The following B3GAT2 variants were observed in gnomAD, a reference collection of about 807,000 sequenced individuals.
B3GAT2 encodes the protein beta-1,3-glucuronyltransferase 2, also known as galactosylgalactosylxylosylprotein 3-beta-glucuronosyltransferase 2.
Under a neutral mutation model 27.8 loss-of-function variants are expected in B3GAT2, and 26 were observed. The observed-to-expected ratio is 0.93, with a 90% CI of 0.68 to 1.30. The LOEUF is 1.30. B3GAT2 is among the 50% of genes most tolerant of loss of function. B3GAT2 has a pLI of 0.00. For synonymous variants in B3GAT2, 218 were observed against 195.1 expected, an observed-to-expected ratio of 1.12 and a Z score of -0.98; for missense variants, 458 against 459.0, an observed-to-expected ratio of 1.00 and a Z score of 0.02.
intron 1 of B3GAT2, among the ~76,000 whole-genome samples, chr6:70,909,208 T>G (rs1772649140): frequency 6.6e-6 from 1 of 152,074 alleles, no homozygotes; most frequent in Non-Finnish European, 1.5e-5. Flanking sequence ...ACAGCAGTGT[T>G]TATGTAAATA....
chr6:70,933,223 T>C (rs1773088176), intron 1 of B3GAT2, among the ~76,000 whole-genome samples: 1 of 152,166 alleles, frequency 6.6e-6, no homozygotes, highest in Non-Finnish European at 1.5e-5. Flanking sequence ...AAACAGAAAC[T>C]GCAAGCACTG....
chr6:70,869,151 C>T (rs555438762), intron 2 of B3GAT2, among the ~76,000 whole-genome samples: 1 of 152,020 alleles, frequency 6.6e-6, no homozygotes, highest in African/African-American at 2.4e-5. Context: ...TATGGCTATC[C>T]TTATGTCAGT....
rs1582407561 is a variant in B3GAT2, at chr6:70,956,705, C to T, written c.-276G>A. The T allele has an allele frequency of 7.4e-7, 1 of 1,353,470 alleles. No homozygotes were observed. Among genetic ancestry groups the T allele is most frequent in the East Asian group, 3.2e-5 (1 of 31,104 alleles). The allele number at this position is 1,353,470 out of a possible 1,614,324, so 83.8% of individuals were successfully genotyped here. ...GAGCTGGCGGGAAGCGGGACTCGGT[C>T]CAGCCGCGCGCCGCCGGTCCCGGAG... On this transcript the variant is annotated 5_prime_UTR_variant, in exon 1 of 4. Transcript: ENST00000230053.
chr6:70,946,457 A>G (rs1391735539), intron 1 of B3GAT2, among the ~76,000 whole-genome samples: 3 of 152,002 alleles, frequency 2.0e-5, no homozygotes, highest in African/African-American at 7.2e-5. Context: ...CAGACTTTAA[A>G]CCAACAAAGA....
At chr6:70,925,562 C>T (rs1030068997) in intron 1 of B3GAT2, among the ~76,000 whole-genome samples, 18 of 152,306 alleles carry the variant, frequency 1.2e-4, no homozygotes, top group East Asian at 7.7e-4. Context: ...CACAGCAGTC[C>T]GAGATCAAAC....
intron 2 of B3GAT2, among the ~76,000 whole-genome samples, chr6:70,872,175 T>C (rs1771948373): frequency 6.6e-6 from 1 of 151,970 alleles, no homozygotes; most frequent in Non-Finnish European, 1.5e-5. Flanking sequence ...TCCATTCTTG[T>C]TGGGTGGAGT....
Position 70,879,991 on chromosome 6 carries a change from G to A in B3GAT2, c.736+14137C>T, listed in dbSNP as rs529888382. Among the ~76,000 whole-genome samples the A allele has an allele frequency of 6.2e-4, 94 of 151,902 alleles. 1 individual carries two copies. Among genetic ancestry groups the A allele is most frequent in the African/African-American group, 2.3e-3 (94 of 41,396 alleles). ...GAAATGTTTTAACCTGGAGCCTAAC[G>A]GGTCAGGGAGCATATTATTGGGGAT... On this transcript the variant is annotated intron_variant, in intron 2 of 3. Transcript: ENST00000230053.
chr6:70,926,086 A>C (rs954806791), intron 1 of B3GAT2, among the ~76,000 whole-genome samples: 5 of 152,220 alleles, frequency 3.3e-5, no homozygotes, highest in African/African-American at 1.2e-4. Flanking sequence ...AGGGTCCTGA[A>C]TGTTAGAAGG....
intron 1 of B3GAT2, among the ~76,000 whole-genome samples, chr6:70,945,343 T>C (rs543076117): frequency 6.6e-6 from 1 of 152,192 alleles, no homozygotes; most frequent in East Asian, 1.9e-4. Context: ...TAGACGAATG[T>C]ATAACTAGAA....
chr6:70,928,204 T>C (rs975965165), intron 1 of B3GAT2, among the ~76,000 whole-genome samples: 7 of 152,068 alleles, frequency 4.6e-5, no homozygotes, highest in Non-Finnish European at 1.0e-4. Context: ...GGGAAATTTA[T>C]AGCACTAAAT....
intron 1 of B3GAT2, among the ~76,000 whole-genome samples, chr6:70,920,711 T>C (rs556192156): frequency 6.6e-6 from 1 of 152,354 alleles, no homozygotes; most frequent in Non-Finnish European, 1.5e-5. Flanking sequence ...CTTGATAGCG[T>C]AATTGCTTTA....
At chr6:70,901,718 TTCATTAA>T (rs2150035021) in intron 1 of B3GAT2, among the ~76,000 whole-genome samples, 1 of 152,336 alleles carries the variant, frequency 6.6e-6, no homozygotes, top group South Asian at 2.1e-4. Context: ...CCAATCACCA[TTCATTAA>T]CCAGCTGATG....
At chr6:70,913,682 T>C (rs1772723893) in intron 1 of B3GAT2, among the ~76,000 whole-genome samples, 1 of 152,230 alleles carries the variant, frequency 6.6e-6, no homozygotes, top group African/African-American at 2.4e-5. Flanking sequence ...TTCTGTTGTT[T>C]TGGAGTGCAG....
At chr6:70,876,774 G>T (rs770090246) in intron 2 of B3GAT2, among the ~76,000 whole-genome samples, 20 of 152,130 alleles carry the variant, frequency 1.3e-4, no homozygotes, top group Non-Finnish European at 2.9e-4. Context: ...ACTGAATGTG[G>T]TCTCTGCCCT....
chr6:70,883,848 C>G (rs1772136602), intron 2 of B3GAT2, among the ~76,000 whole-genome samples: 1 of 151,984 alleles, frequency 6.6e-6, no homozygotes, highest in African/African-American at 2.4e-5. Context: ...ATATTCCTGT[C>G]CTATGCTCAA....
chr6:70,918,231 T>C (rs1048450152), intron 1 of B3GAT2, among the ~76,000 whole-genome samples: 1 of 152,138 alleles, frequency 6.6e-6, no homozygotes, highest in Non-Finnish European at 1.5e-5. Flanking sequence ...GCAAACCCTT[T>C]TTTTTGCTTT....
chr6:70,956,153 C>T lies in B3GAT2; in HGVS notation c.277G>A (p.Val93Met), dbSNP rs1044005381. The change falls in exon 1 of 4, where the codon GTG becomes ATG. Residue 93 changes from valine (V) to methionine (M), a missense_variant. By Grantham distance (21) the Val-to-Met change is conservative. Coordinates refer to ENST00000230053, the MANE Select transcript of B3GAT2 (RefSeq NM_080742.3). ...AGGCGGGTCAGCTCCGCTTTCTGCACCGGGCGGCTGTAGGTGGGCGTGATG... is the reference window on the plus strand; with the variant it reads ...AGGCGGGTCAGCTCCGCTTTCTGCATCGGGCGGCTGTAGGTGGGCGTGATG... The part of the protein sequence containing the change: ...YAITPTYSRP[V>M]QKAELTRLAN... 6 of 1,606,970 alleles carry T rather than the reference C, an allele frequency of 3.7e-6. No homozygotes were observed. The highest frequency in any genetic ancestry group is 4.2e-6 in the Non-Finnish European group (5 of 1,176,488).
intron 1 of B3GAT2, among the ~76,000 whole-genome samples, chr6:70,900,140 C>T (rs1224208495): frequency 2.6e-5 from 4 of 152,206 alleles, no homozygotes; most frequent in Non-Finnish European, 5.9e-5. Flanking sequence ...GTTTATTCCT[C>T]CTGTGATAAC....
intron 1 of B3GAT2, among the ~76,000 whole-genome samples, chr6:70,945,375 T>A (rs939392408): frequency 6.6e-6 from 1 of 152,054 alleles, no homozygotes; most frequent in African/African-American, 2.4e-5. Flanking sequence ...GAGAAGTGCT[T>A]AAAGGAGCTG....
Sources: allele counts gnomAD v4.1 joint callset (sites outside exome capture counted in the v4.1 genomes callset), GRCh38; gene constraint gnomAD v4.1.1; transcripts MANE v1.5; gene names NCBI Gene and HGNC (gene_info 2026-07-23, HGNC 2026-07-21).